The following TMX2 variants were observed in gnomAD, a reference collection of about 807,000 sequenced individuals.
TMX2 encodes thioredoxin related transmembrane protein 2, also known as thioredoxin-related transmembrane protein 2.
In TMX2, 20 loss-of-function variants were observed where a neutral mutation model predicts 33.4. That is an observed-to-expected ratio of 0.60 (90% CI 0.42 to 0.87). The LOEUF (loss-of-function observed/expected upper bound fraction) is 0.87. Among genes scored for constraint, TMX2 ranks in the 40% least tolerant of loss-of-function variants. The pLI, the probability that TMX2 is intolerant of heterozygous loss-of-function variation, is 0.00. For synonymous variants in TMX2, 166 were observed against 140.7 expected (o/e 1.18, Z -1.27); for missense variants, 340 against 370.7 (o/e 0.92, Z 0.68).
intron 1 of TMX2, among the ~76,000 whole-genome samples, chr11:57,733,709 CCT>C (rs1261862157): frequency 6.6e-6 from 1 of 152,124 alleles, no homozygotes; most frequent in Admixed American, 6.6e-5. Flanking sequence ...ATTCAATTAT[CCT>C]CTCTTCTGTA....
chr11:57,722,487 G>A (rs1368324400), intron 1 of TMX2, among the ~76,000 whole-genome samples: 1 of 152,148 alleles, frequency 6.6e-6, no homozygotes, highest in Non-Finnish European at 1.5e-5. Flanking sequence ...GAGAAAAATT[G>A]TTTTTGAAAA....
intron 1 of TMX2, among the ~76,000 whole-genome samples, chr11:57,730,806 T>TGA (rs1948329593): frequency 3.3e-5 from 5 of 152,084 alleles, no homozygotes; most frequent in African/African-American, 4.8e-5. Context: ...CTGGGTTGCT[T>TGA]GAGAGAGAGA....
chr11:57,719,796 G>A (rs1947464617), intron 1 of TMX2, among the ~76,000 whole-genome samples: 1 of 151,940 alleles, frequency 6.6e-6, no homozygotes, highest in Non-Finnish European at 1.5e-5. Flanking sequence ...GGGACTATAG[G>A]CATGAACTAC....
chr11:57,725,475 G>A lies in TMX2; in HGVS notation c.190-12133G>A, dbSNP rs181574169. 2.0e-3 allele frequency among the ~76,000 whole-genome samples: 311 copies of A among 152,220 alleles called. 5 individuals are homozygous for A. Among genetic ancestry groups the A allele is most frequent in the African/African-American group, 6.7e-3 (280 of 41,526 alleles). ...AGATTGGCTGGTCGAGGTGGCTCAC[G>A]CTTGTAATCCCACCACTTTGGGAGA... On this transcript the variant is annotated intron_variant, in intron 1 of 7. Transcript: ENST00000278422.
intron 1 of TMX2, among the ~76,000 whole-genome samples, chr11:57,722,854 T>G (rs2135518488): frequency 6.6e-6 from 1 of 152,328 alleles, no homozygotes; most frequent in Middle Eastern, 3.4e-3. Flanking sequence ...GGCACAAGCC[T>G]ATAATCCCAG....
chr11:57,718,646 C>A (rs1038261933), intron 1 of TMX2: 8 of 339,090 alleles, frequency 2.4e-5, no homozygotes, highest in Admixed American at 4.5e-5. Context: ...CTGAAATAAC[C>A]CCCCCTCTTT....
intron 1 of TMX2, among the ~76,000 whole-genome samples, chr11:57,725,326 A>G (rs1259434762): frequency 6.6e-6 from 1 of 152,178 alleles, no homozygotes; most frequent in East Asian, 1.9e-4. Flanking sequence ...CTCATTTGGT[A>G]TCCCACTGAC....
intron 1 of TMX2, among the ~76,000 whole-genome samples, chr11:57,725,038 C>CAA (rs1315544225): frequency 7.2e-4 from 44 of 61,508 alleles, no homozygotes; most frequent in African/African-American, 1.8e-3. Flanking sequence ...GACTGTGTCT[C>CAA]AAAAAAAAAA....
At chr11:57,717,027 G>T (rs1217795520) in intron 1 of TMX2, among the ~76,000 whole-genome samples, 2 of 148,166 alleles carry the variant, frequency 1.3e-5, no homozygotes, top group East Asian at 2.0e-4. Flanking sequence ...CCCAGACGGG[G>T]TCGCGGCCGG....
At chr11:57,737,721 G>C in intron 2 of TMX2, 53 bp downstream of exon 2, 1 of 1,581,578 alleles carries the variant, frequency 6.3e-7, no homozygotes, top group East Asian at 2.2e-5. Context: ...CCCTTTGGAG[G>C]TGCTTTGCTT....
intron 1 of TMX2, chr11:57,718,153 C>T (rs1373146149): frequency 9.0e-6 from 11 of 1,219,424 alleles, no homozygotes; most frequent in Non-Finnish European, 1.3e-5. Flanking sequence ...TTGCCAAAGA[C>T]CACATGCTTG....
rs567725311 is a variant in TMX2 at position 57,716,037 on chromosome 11, C to G, written c.189+3230C>G. On this transcript the variant is annotated intron_variant, in intron 1 of 7. Transcript: ENST00000278422. The stretch of plus-strand genomic sequence containing the variant: ...TTTTCAATCTTTTCCCCACCTTTCC[C>G]CCCTTTCTATTCCACAAAACCGCCA... Among the ~76,000 whole-genome samples, 5 of 152,328 alleles carry G rather than the reference C, an allele frequency of 3.3e-5. No homozygotes were observed. In the South Asian group the frequency reaches 1.0e-3, roughly 32 times the overall value.
intron 1 of TMX2, among the ~76,000 whole-genome samples, chr11:57,736,276 A>T (rs752771307): frequency 1.4e-4 from 22 of 151,978 alleles, no homozygotes; most frequent in Non-Finnish European, 3.1e-4. Flanking sequence ...TCCCTGGGCC[A>T]CATTGGAAGA....
At chr11:57,733,949 T>C (rs1031237222) in intron 1 of TMX2, among the ~76,000 whole-genome samples, 3 of 151,756 alleles carry the variant, frequency 2.0e-5, no homozygotes, top group African/African-American at 7.3e-5. Flanking sequence ...AGCGGGCGGA[T>C]CACAAGGTCA....
In TMX2 at chr11:57,720,412, C is replaced by CT. The variant is rs1565217015; in HGVS notation, c.189+7613dup. 2.6e-5 allele frequency among the ~76,000 whole-genome samples: 4 copies of CT among 151,814 alleles called. No homozygotes were observed. In the South Asian group the frequency reaches 8.3e-4, roughly 31 times the overall value. On this transcript the variant is annotated intron_variant, in intron 1 of 7. Transcript: ENST00000278422. ...ATGGAAATTCAAAACAAAACTTTTT[C>CT]TTTTTTTTGAAACAGAGTCTTGCTC...
At chr11:57,732,860 C>T (rs565764198) in intron 1 of TMX2, among the ~76,000 whole-genome samples, 4 of 152,226 alleles carry the variant, frequency 2.6e-5, no homozygotes, top group East Asian at 3.9e-4. Context: ...TCCTAACCTG[C>T]TAATCATGCG....
intron 1 of TMX2, among the ~76,000 whole-genome samples, chr11:57,728,802 G>C (rs1948165255): frequency 6.6e-6 from 1 of 152,114 alleles, no homozygotes; most frequent in African/African-American, 2.4e-5. Context: ...GGTGCCCCTG[G>C]GTGACTGGGG....
At chr11:57,720,549 T>C (rs1220828509) in intron 1 of TMX2, among the ~76,000 whole-genome samples, 1 of 152,190 alleles carries the variant, frequency 6.6e-6, no homozygotes, top group Non-Finnish European at 1.5e-5. Context: ...CACAGGCGTG[T>C]GCCATCACAC....
chr11:57,727,555 C>T (rs992442349), intron 1 of TMX2, among the ~76,000 whole-genome samples: 2 of 152,114 alleles, frequency 1.3e-5, no homozygotes, highest in African/African-American at 4.8e-5. Flanking sequence ...TTATTTAACC[C>T]TGGATATCTA....
Sources: allele counts gnomAD v4.1 joint callset (sites outside exome capture counted in the v4.1 genomes callset), GRCh38; gene constraint gnomAD v4.1.1; transcripts MANE v1.5; gene names NCBI Gene and HGNC (gene_info 2026-07-23, HGNC 2026-07-21).